ACTR3C: variants seen among roughly 807,000 people sequenced by gnomAD.
ACTR3C encodes actin-related protein 3C.
ACTR3C carries 18 observed loss-of-function variants against 26.3 expected under a neutral mutation model. That is an observed-to-expected ratio of 0.68 (90% CI 0.47 to 1.01). The LOEUF is 1.01. ACTR3C is among the 50% of genes least tolerant of loss of function. The pLI is 0.00. For synonymous variants in ACTR3C, 55 were observed against 94.5 expected (o/e 0.58, Z 2.42); for missense variants, 184 against 250.7 (o/e 0.73, Z 1.80).
the ACTR3C span, among the ~76,000 whole-genome samples, chr7:150,161,202 T>TATATATATATA: frequency 9.7e-6 from 1 of 103,002 alleles, no homozygotes; most frequent in African/African-American, 4.6e-5. Context: ...AGGAAAGTAT[T>TATATATATATA]TATATATATA....
chr7:150,237,323 A>AGTG, the ACTR3C span, among the ~76,000 whole-genome samples: 2 of 152,128 alleles, frequency 1.3e-5, no homozygotes, highest in Admixed American at 1.3e-4. Flanking sequence ...TGGCTGCCTG[A>AGTG]GGGCTTTTGC....
chr7:150,093,445 G>A, the ACTR3C span, among the ~76,000 whole-genome samples: 1 of 151,382 alleles, frequency 6.6e-6, no homozygotes, highest in East Asian at 1.9e-4. Flanking sequence ...GAAGCCCAAA[G>A]ATACATCGAC....
chr7:150,016,797 T>C, the ACTR3C span, among the ~76,000 whole-genome samples: 1 of 152,134 alleles, frequency 6.6e-6, no homozygotes, highest in African/African-American at 2.4e-5. Context: ...GGCAATCCTC[T>C]AGCACAGGCA....
At chr7:150,181,704 A>C in the ACTR3C span, among the ~76,000 whole-genome samples, 1 of 150,924 alleles carries the variant, frequency 6.6e-6, no homozygotes, top group Non-Finnish European at 1.5e-5. Flanking sequence ...ATATTTTACA[A>C]ATTTTAAAAA....
the ACTR3C span, among the ~76,000 whole-genome samples, chr7:150,230,397 C>G: frequency 1.2e-4 from 18 of 152,150 alleles, no homozygotes; most frequent in Non-Finnish European, 2.4e-4. Flanking sequence ...GGAATTGGTG[C>G]ATTTCATCTA....
chr7:150,048,211 G>C, the ACTR3C span, among the ~76,000 whole-genome samples: 8 of 152,142 alleles, frequency 5.3e-5, no homozygotes, highest in East Asian at 1.5e-3. Flanking sequence ...AACATAAAGC[G>C]AGGGAAATGC....
At chr7:149,904,004 T>C in the ACTR3C span, among the ~76,000 whole-genome samples, 1 of 109,696 alleles carries the variant, frequency 9.1e-6, no homozygotes, top group Non-Finnish European at 2.3e-5. Context: ...CACTGCAACC[T>C]CCACTCCCAG....
intron 1 of ACTR3C, among the ~76,000 whole-genome samples, chr7:150,301,360 C>A (rs1158388099): frequency 1.3e-5 from 2 of 152,158 alleles, no homozygotes; most frequent in Non-Finnish European, 2.9e-5. Context: ...CAAAAACAGA[C>A]CTGTAGGAAG....
chr7:149,985,028 C>T, the ACTR3C span, among the ~76,000 whole-genome samples: 1 of 152,040 alleles, frequency 6.6e-6, no homozygotes, highest in Non-Finnish European at 1.5e-5. Context: ...ATAATAGAAC[C>T]TGCCTACGCA....
At chr7:150,198,501 A>C in the ACTR3C span, among the ~76,000 whole-genome samples, 47 of 118,526 alleles carry the variant, frequency 4.0e-4, no homozygotes, top group African/African-American at 1.6e-3. Context: ...CCGCCGCCCC[A>C]TCTGGGATGT....
chr7:149,964,395 T>C, the ACTR3C span, among the ~76,000 whole-genome samples: 1 of 152,116 alleles, frequency 6.6e-6, no homozygotes, highest in African/African-American at 2.4e-5. Context: ...AATGAGGACC[T>C]GAAGCAGAGG....
the ACTR3C span, among the ~76,000 whole-genome samples, chr7:150,208,591 T>C: frequency 6.6e-6 from 1 of 152,188 alleles, no homozygotes; most frequent in South Asian, 2.1e-4. Context: ...TAGTTAATTA[T>C]AATTAATATT....
At chr7:150,311,503 G>A (rs1209127918) in intron 1 of ACTR3C, among the ~76,000 whole-genome samples, 3 of 151,974 alleles carry the variant, frequency 2.0e-5, no homozygotes, top group African/African-American at 4.8e-5. Context: ...TCTGCCCCTC[G>A]ACTCCTCCAG....
the ACTR3C span, among the ~76,000 whole-genome samples, chr7:150,086,027 A>T: frequency 6.7e-6 from 1 of 149,382 alleles, no homozygotes; most frequent in African/African-American, 2.5e-5. Flanking sequence ...CCCAGGCTGG[A>T]GTACAGTGGC....
downstream of ACTR3C, among the ~76,000 whole-genome samples, chr7:150,239,493 C>T (rs1193415422): frequency 7.8e-6 from 1 of 128,140 alleles, no homozygotes; most frequent in African/African-American, 3.6e-5. Flanking sequence ...AATGCAGAAA[C>T]ATAAAAGTTG....
At chr7:150,026,157 A>G in the ACTR3C span, among the ~76,000 whole-genome samples, 1 of 152,038 alleles carries the variant, frequency 6.6e-6, no homozygotes, top group African/African-American at 2.4e-5. Flanking sequence ...ATAAATCCCA[A>G]TGGTCAAAAA....
At chr7:150,035,559 C>G in the ACTR3C span, among the ~76,000 whole-genome samples, 1 of 94,342 alleles carries the variant, frequency 1.1e-5, no homozygotes, top group Non-Finnish European at 2.3e-5. Context: ...TGGGGGTCCG[C>G]AGAGCCGGGG....
chr7:149,998,253 G>C, the ACTR3C span, among the ~76,000 whole-genome samples: 1 of 151,264 alleles, frequency 6.6e-6, no homozygotes, highest in Admixed American at 6.6e-5. Context: ...TAGTGTGTTA[G>C]ACAAAATCTT....
the ACTR3C span, among the ~76,000 whole-genome samples, chr7:149,934,616 C>A: frequency 3.3e-5 from 5 of 151,824 alleles, no homozygotes; most frequent in Non-Finnish European, 5.9e-5. Context: ...CAAGACACTC[C>A]TGGTCCACAA....
Sources: allele counts gnomAD v4.1 joint callset (sites outside exome capture counted in the v4.1 genomes callset), GRCh38; gene constraint gnomAD v4.1.1; transcripts MANE v1.5; gene names NCBI Gene and HGNC (gene_info 2026-07-23, HGNC 2026-07-21).